PPM1D: variants seen among roughly 807,000 people sequenced by gnomAD.
PPM1D encodes the protein protein phosphatase, Mg2+/Mn2+ dependent 1D.
PPM1D carries 52 observed loss-of-function variants against 58.3 expected under a neutral mutation model. The ratio of observed to expected loss-of-function variants is 0.89; its 90% confidence interval spans 0.71 to 1.12. The LOEUF (loss-of-function observed/expected upper bound fraction) is 1.12, where lower values mean the gene tolerates loss of function less well. Ranked by LOEUF, PPM1D falls within the 50% of genes most tolerant of loss-of-function variation. The pLI is 0.00. For missense variants in PPM1D, 564 were observed against 777.2 expected (o/e 0.73, Z 3.26); for synonymous variants, 278 against 285.1 (o/e 0.98, Z 0.25).
intron 2 of PPM1D, among the ~76,000 whole-genome samples, chr17:60,630,003 G>A (rs1032232797): frequency 6.6e-6 from 1 of 152,028 alleles, no homozygotes; most frequent in Non-Finnish European, 1.5e-5. Context: ...TCCTGCCTCT[G>A]CACTCCAGCC....
intron 1 of PPM1D, among the ~76,000 whole-genome samples, chr17:60,614,196 G>A (rs957330197): frequency 6.6e-6 from 1 of 152,090 alleles, no homozygotes; most frequent in Admixed American, 6.5e-5. Context: ...TTGTAAACAC[G>A]CCAGTCAGCA....
chr17:60,639,894 C>T (rs2031100954), intron 3 of PPM1D, among the ~76,000 whole-genome samples: 1 of 152,064 alleles, frequency 6.6e-6, no homozygotes, highest in Non-Finnish European at 1.5e-5. Flanking sequence ...ACAACATTTT[C>T]GAAAAGTTCG....
intron 2 of PPM1D, among the ~76,000 whole-genome samples, chr17:60,631,250 G>A (rs2030914511): frequency 1.3e-5 from 2 of 152,124 alleles, no homozygotes; most frequent in Admixed American, 1.3e-4. Flanking sequence ...AGCCTGGGAA[G>A]TCAAAGCTGT....
intron 3 of PPM1D, among the ~76,000 whole-genome samples, chr17:60,639,583 G>A (rs932246686): frequency 6.6e-6 from 1 of 152,076 alleles, no homozygotes; most frequent in African/African-American, 2.4e-5. Flanking sequence ...GACTACAGGC[G>A]CACGCCACTG....
At chr17:60,637,128 C>G (rs1356097416) in intron 3 of PPM1D, among the ~76,000 whole-genome samples, 1 of 151,906 alleles carries the variant, frequency 6.6e-6, no homozygotes, top group Non-Finnish European at 1.5e-5. Context: ...GCCCCCACGC[C>G]CGGCTAATTT....
chr17:60,610,176 C>CAAAA (rs57245998), intron 1 of PPM1D, among the ~76,000 whole-genome samples: 1 of 69,882 alleles, frequency 1.4e-5, no homozygotes, highest in Non-Finnish European at 3.5e-5. Flanking sequence ...GAGACTGTCT[C>CAAAA]AAAAAAAAAA....
At chr17:60,644,213 A>G (rs1244457730) in intron 3 of PPM1D, among the ~76,000 whole-genome samples, 1 of 152,046 alleles carries the variant, frequency 6.6e-6, no homozygotes, top group African/African-American at 2.4e-5. Flanking sequence ...AGTTGTCAAT[A>G]CCATGAATGA....
At chr17:60,636,848 A>T (rs1300072513) in intron 3 of PPM1D, among the ~76,000 whole-genome samples, 2 of 152,002 alleles carry the variant, frequency 1.3e-5, no homozygotes, top group South Asian at 2.1e-4. Flanking sequence ...ACTAATTTTT[A>T]AAAATTTTTT....
At chr17:60,633,140 C>T (rs2030959114) in intron 2 of PPM1D, among the ~76,000 whole-genome samples, 1 of 149,886 alleles carries the variant, frequency 6.7e-6, no homozygotes, top group Non-Finnish European at 1.5e-5. Context: ...ACAAAAATAG[C>T]CAGGCATGGT....
In PPM1D at chr17:60,663,556, G is replaced by T; in HGVS notation, c.*4G>T. 6.3e-7 allele frequency: 1 copy of T among 1,599,674 alleles called. No individual in the cohort carries two copies. The highest frequency in any genetic ancestry group is 8.5e-7 in the Non-Finnish European group (1 of 1,175,506). On this transcript the variant is annotated 3_prime_UTR_variant, in exon 6 of 6. Transcript: ENST00000305921. ...GAAAACTGTTTGTGTTTGCTGAAAT[G>T]CATCTGGGAAATGAGGTTTTTCCAA...
chr17:60,645,456 A>ATGTG (rs371276467), intron 3 of PPM1D, among the ~76,000 whole-genome samples: 14,569 of 123,762 alleles, frequency 0.12, 988 homozygotes, highest in South Asian at 0.19. Context: ...TAAAATATAT[A>ATGTG]TGTGTGTGTG....
intron 3 of PPM1D, 133 bp downstream of exon 3, chr17:60,634,110 T>C: frequency 1.8e-6 from 2 of 1,095,666 alleles, no homozygotes; most frequent in Non-Finnish European, 2.6e-6. Context: ...TTCTATTAAC[T>C]GCTTTAGAAC....
intron 3 of PPM1D, 42 bp downstream of exon 3, chr17:60,634,019 A>G (rs1298447633): frequency 6.2e-7 from 1 of 1,600,574 alleles, no homozygotes; most frequent in Non-Finnish European, 8.5e-7. Context: ...TGAATTTTCT[A>G]CAATATATGG....
intron 1 of PPM1D, among the ~76,000 whole-genome samples, chr17:60,602,087 C>T (rs2030226391): frequency 6.6e-6 from 1 of 152,196 alleles, no homozygotes; most frequent in Non-Finnish European, 1.5e-5. Flanking sequence ...ATTTGCTTGG[C>T]TTTCTGCCAA....
At chr17:60,640,522 CTTTTG>C (rs1318315693) in intron 3 of PPM1D, among the ~76,000 whole-genome samples, 1 of 151,626 alleles carries the variant, frequency 6.6e-6, no homozygotes, top group Non-Finnish European at 1.5e-5. Context: ...GATTTGTGGG[CTTTTG>C]TTTGTTTGTT....
chr17:60,611,026 T>C (rs371171304), intron 1 of PPM1D, among the ~76,000 whole-genome samples: 89 of 152,264 alleles, frequency 5.8e-4, no homozygotes, highest in Admixed American at 1.6e-3. Flanking sequence ...TACATTATTA[T>C]TTTTGAGACG....
intron 3 of PPM1D, among the ~76,000 whole-genome samples, chr17:60,638,877 T>C (rs555219156): frequency 4.0e-4 from 61 of 152,282 alleles, no homozygotes; most frequent in African/African-American, 1.3e-3. Context: ...ACCCACCCTA[T>C]AGACACTGAT....
At chr17:60,658,508 TGTG>T (rs1269343801) in intron 5 of PPM1D, among the ~76,000 whole-genome samples, 3 of 151,456 alleles carry the variant, frequency 2.0e-5, no homozygotes, top group African/African-American at 7.3e-5. Context: ...ATTAGCCAGG[TGTG>T]GTGATGCATG....
At chr17:60,619,917 G>A (rs1036513671) in intron 1 of PPM1D, among the ~76,000 whole-genome samples, 1 of 152,038 alleles carries the variant, frequency 6.6e-6, no homozygotes, top group Non-Finnish European at 1.5e-5. Context: ...TATACTTGTT[G>A]CCCATTTGTA....
Sources: allele counts gnomAD v4.1 joint callset (sites outside exome capture counted in the v4.1 genomes callset), GRCh38; gene constraint gnomAD v4.1.1; transcripts MANE v1.5; gene names NCBI Gene and HGNC (gene_info 2026-07-23, HGNC 2026-07-21).